The following BTBD9 variants were observed in gnomAD, a reference collection of about 807,000 sequenced individuals.
BTBD9 encodes the protein BTB/POZ domain-containing protein 9.
In BTBD9, 49 loss-of-function variants were observed where a neutral mutation model predicts 64.3. The observed-to-expected ratio is 0.76, with a 90% confidence interval of 0.61 to 0.97. BTBD9 has a LOEUF of 0.97. Among genes scored for constraint, BTBD9 ranks in the 50% least tolerant of loss-of-function variants. The pLI is 0.00. For missense variants in BTBD9, 598 were observed against 762.1 expected, an observed-to-expected ratio of 0.78 and a Z score of 2.53; for synonymous variants, 260 against 274.7, an observed-to-expected ratio of 0.95 and a Z score of 0.53.
rs114680064 is a variant in BTBD9, at chr6:38,243,925, C to T, written c.1562+12484G>A. Among the ~76,000 whole-genome samples, 750 of 152,242 alleles carry T rather than the reference C, an allele frequency of 4.9e-3. 2 individuals carry two copies. Among genetic ancestry groups the T allele is most frequent in the African/African-American group, 0.017 (692 of 41,528 alleles). ...GGAAGAAAACACGAGCCTCTTAGTT[C>T]TCTGGGATAGAGCTGAGCAAGCGTC... is the stretch of plus-strand genomic sequence containing the variant. On this transcript the variant is annotated intron_variant, in intron 9 of 10. Transcript: ENST00000481247.
chr6:38,313,747 C>CTTTTTTT (rs765375990), intron 7 of BTBD9, among the ~76,000 whole-genome samples: 3 of 128,906 alleles, frequency 2.3e-5, no homozygotes, highest in Non-Finnish European at 5.0e-5. Context: ...GATGAATTAT[C>CTTTTTTT]TTTTTTTTTT....
intron 6 of BTBD9, among the ~76,000 whole-genome samples, chr6:38,346,804 C>T (rs540302358): frequency 1.3e-5 from 2 of 152,316 alleles, no homozygotes; most frequent in East Asian, 1.9e-4. Context: ...GGAACTCAAC[C>T]AGCATAGCAT....
intron 6 of BTBD9, among the ~76,000 whole-genome samples, chr6:38,351,504 GTTGTTTTT>G (rs1764507983): frequency 1.0e-5 from 1 of 96,696 alleles, no homozygotes; most frequent in Non-Finnish European, 2.0e-5. Context: ...TTTAATTGTT[GTTGTTTTT>G]TTTTTTTTTT....
intron 6 of BTBD9, among the ~76,000 whole-genome samples, chr6:38,442,221 C>T (rs1769065309): frequency 6.6e-6 from 1 of 152,174 alleles, no homozygotes; most frequent in Non-Finnish European, 1.5e-5. Flanking sequence ...GGTGCAGTGG[C>T]TCACACCTGT....
At chr6:38,278,319 A>C (rs1048520747) in intron 8 of BTBD9, among the ~76,000 whole-genome samples, 3 of 152,230 alleles carry the variant, frequency 2.0e-5, no homozygotes, top group African/African-American at 7.2e-5. Context: ...AATAAAACTG[A>C]AAAAACAAGT....
At chr6:38,609,094 AAGGAATGAAC>A (rs774593044) in intron 1 of BTBD9, among the ~76,000 whole-genome samples, 21 of 152,348 alleles carry the variant, frequency 1.4e-4, no homozygotes, top group Non-Finnish European at 2.8e-4. Context: ...TGTAAGAATA[AAGGAATGAAC>A]AGGCACAACT....
chr6:38,334,622 TAACATAAAATAAATAAA>T (rs1228573962), intron 7 of BTBD9, among the ~76,000 whole-genome samples: 10 of 137,930 alleles, frequency 7.3e-5, no homozygotes, highest in Admixed American at 7.0e-4. Flanking sequence ...TAACATAACA[TAACATAAAATAAATAAA>T]ATAATAAAAT....
chr6:38,552,446 G>A (rs978093009), intron 6 of BTBD9, among the ~76,000 whole-genome samples: 14 of 152,158 alleles, frequency 9.2e-5, no homozygotes, highest in Non-Finnish European at 1.9e-4. Flanking sequence ...AAGAAGAAGA[G>A]TAAGATGGCA....
At chr6:38,374,300 T>TATATATATATATATATATATA (rs1562095388) in intron 6 of BTBD9, among the ~76,000 whole-genome samples, 1 of 86,586 alleles carries the variant, frequency 1.2e-5, no homozygotes, top group Admixed American at 1.2e-4. Context: ...TATATATGTA[T>TATATATATATATATATATATA]ATATATGTAT....
intron 10 of BTBD9, among the ~76,000 whole-genome samples, chr6:38,191,539 G>A (rs1561853051): frequency 6.6e-6 from 1 of 152,238 alleles, no homozygotes; most frequent in Non-Finnish European, 1.5e-5. Flanking sequence ...CCACCGCCCT[G>A]CCGGCCAGTG....
intron 9 of BTBD9, chr6:38,193,890 C>T (rs1342370556): frequency 4.1e-6 from 4 of 985,046 alleles, no homozygotes; most frequent in Middle Eastern, 5.2e-4. Context: ...TTCACTGCTG[C>T]CTGGACACCA....
intron 6 of BTBD9, among the ~76,000 whole-genome samples, chr6:38,533,586 TAC>T (rs1773890248): frequency 6.6e-6 from 1 of 152,206 alleles, no homozygotes. Context: ...GGCTGCAGAA[TAC>T]ACATTCTTTT....
At chr6:38,289,993 G>T (rs903133405) in intron 7 of BTBD9, among the ~76,000 whole-genome samples, 1 of 151,750 alleles carries the variant, frequency 6.6e-6, no homozygotes, top group African/African-American at 2.4e-5. Context: ...GCTTACATCA[G>T]ATAAATTAAA....
chr6:38,411,299 T>C (rs17360737), intron 6 of BTBD9, among the ~76,000 whole-genome samples: 2,402 of 152,326 alleles, frequency 0.016, 70 homozygotes, highest in African/African-American at 0.055. Flanking sequence ...TATTAAAACA[T>C]GTTATAAAGC....
intron 1 of BTBD9, among the ~76,000 whole-genome samples, chr6:38,601,092 T>G (rs1167768936): frequency 6.6e-6 from 1 of 152,134 alleles, no homozygotes; most frequent in African/African-American, 2.4e-5. Context: ...TCAGAGACTC[T>G]TATTTAATTA....
At chr6:38,601,380 A>C (rs1777233720) in intron 1 of BTBD9, among the ~76,000 whole-genome samples, 1 of 152,254 alleles carries the variant, frequency 6.6e-6, no homozygotes, top group Non-Finnish European at 1.5e-5. Flanking sequence ...GTTTACCTAC[A>C]AAGTGATAGT....
At chr6:38,300,166 G>GT (rs954279288) in intron 7 of BTBD9, among the ~76,000 whole-genome samples, 6 of 152,154 alleles carry the variant, frequency 3.9e-5, no homozygotes, top group Admixed American at 3.9e-4. Flanking sequence ...TCAGATAGTT[G>GT]TAGATATGCA....
chr6:38,417,691 G>A (rs966810310), intron 6 of BTBD9, among the ~76,000 whole-genome samples: 4 of 151,744 alleles, frequency 2.6e-5, no homozygotes, highest in Non-Finnish European at 4.4e-5. Flanking sequence ...GAGGATCACT[G>A]GAGCCTGGGA....
Position 38,417,531 on chromosome 6 carries a change from C to T in BTBD9, c.1155-72438G>A, listed in dbSNP as rs530087115. Among the ~76,000 whole-genome samples the T allele has an allele frequency of 9.2e-5, 14 of 152,256 alleles. No homozygotes were observed. The South Asian group carries it at 2.3e-3, about 25-fold the overall frequency. On this transcript the variant is annotated intron_variant, in intron 6 of 10. Coordinates refer to ENST00000481247, the MANE Select transcript of BTBD9 (RefSeq NM_001099272.2). ...GCTCACATCTGTAATCCTAGAACTT[C>T]GGGAGGCTGAGGCTAGTGGATCACT...
Sources: allele counts gnomAD v4.1 joint callset (sites outside exome capture counted in the v4.1 genomes callset), GRCh38; gene constraint gnomAD v4.1.1; transcripts MANE v1.5; gene names NCBI Gene and HGNC (gene_info 2026-07-23, HGNC 2026-07-21).